Variants in DNAH1 observed in about 807,000 individuals in gnomAD.
DNAH1 encodes the protein axonemal beta dynein heavy chain 1.
In DNAH1, 327 loss-of-function variants were observed where a neutral mutation model predicts 484.3. The observed-to-expected ratio is 0.68, with a 90% CI of 0.62 to 0.74. DNAH1 has a LOEUF of 0.74. DNAH1 is among the 30% of genes least tolerant of loss of function. DNAH1 has a pLI of 0.00. For missense variants in DNAH1, 5,052 were observed against 5,546.8 expected, an observed-to-expected ratio of 0.91 and a Z score of 2.83; for synonymous variants, 2,192 against 2,191.9, an observed-to-expected ratio of 1.00 and a Z score of 0.00.
rs529921322 is a variant in DNAH1, at chr3:52,337,952, G to A, written c.1286+5558G>A. Among the ~76,000 whole-genome samples the A allele has an allele frequency of 1.1e-3, 165 of 152,056 alleles. 1 individual carries two copies. The highest frequency in any genetic ancestry group is 2.1e-3 in the Admixed American group (32 of 15,244). On this transcript the variant is annotated intron_variant, in intron 8 of 77. Coordinates refer to ENST00000420323, the MANE Select transcript of DNAH1 (RefSeq NM_015512.5). ...TGGGACCACAGGTGTGAGCTACCAC[G>A]CTTGGTTAATTTTTGTATTTTTTTA...
chr3:52,348,955 T>G lies in DNAH1; in HGVS notation c.2174T>G (p.Leu725Arg). ...GAGTCCGTGGGCCTTCATGAGCCACTGGTGGAAGAGCTACGGGCCACCATT... is the reference window on the plus strand; with the variant it reads ...GAGTCCGTGGGCCTTCATGAGCCACGGGTGGAAGAGCTACGGGCCACCATT... ...LLESVGLHEP[L>R]VEELRATIAS... The change falls in exon 13 of 78, where the codon CTG becomes CGG. Residue 725 changes from leucine (L) to arginine (R), a missense_variant. By Grantham distance (102) the Leu-to-Arg change is moderately radical (BLOSUM62 -2). This residue lies in a region of DNAH1 where 1,263 missense variants were observed against 1,218.8 expected (regional missense o/e 1.04). Coordinates refer to ENST00000420323, the MANE Select transcript of DNAH1 (RefSeq NM_015512.5). The G allele has an allele frequency of 6.2e-7, 1 of 1,613,504 alleles. No individual in the cohort carries two copies. Among genetic ancestry groups the G allele is most frequent in the Non-Finnish European group, 8.5e-7 (1 of 1,179,880 alleles).
At chr3:52,348,229 G>A (rs941974764) in intron 12 of DNAH1, among the ~76,000 whole-genome samples, 2 of 152,224 alleles carry the variant, frequency 1.3e-5, no homozygotes, top group Non-Finnish European at 2.9e-5. Flanking sequence ...GCTAATGTCA[G>A]ATTTTGTAGG....
In DNAH1 at chr3:52,381,093, T is replaced by C. The variant is rs553817385; in HGVS notation, c.7609-547T>C. Among the ~76,000 whole-genome samples the C allele has an allele frequency of 6.6e-6, 1 of 152,102 alleles. No individual in the cohort carries two copies. The highest frequency in any genetic ancestry group is 1.9e-4 in the East Asian group (1 of 5,178). The stretch of plus-strand genomic sequence containing the variant: ...CCCCCCGTGGGTTTTATTTTTGCTT[T>C]TGTTTTTGTTTGTGTGTGTGTGTAT... On this transcript the variant is annotated intron_variant, in intron 48 of 77. Coordinates refer to ENST00000420323, the MANE Select transcript of DNAH1 (RefSeq NM_015512.5). The surrounding 1 kb of genome is among the most constrained non-coding windows in gnomAD (Gnocchi z 4.1).
Position 52,362,876 on chromosome 3 carries a change from C to T in DNAH1, c.5095-119C>T. The T allele has an allele frequency of 7.1e-7, 1 of 1,400,180 alleles. No individual in the cohort carries two copies. The allele number at this position is 1,400,180 out of a possible 1,614,324, so 86.7% of individuals were successfully genotyped here. On this transcript the variant is annotated intron_variant, in intron 31 of 77. Coordinates refer to ENST00000420323, the MANE Select transcript of DNAH1 (RefSeq NM_015512.5). The surrounding 1 kb of genome is among the most constrained non-coding windows in gnomAD (Gnocchi z 5.1). ...AGTCTCAGGGGAGTGAAAGCCTCAG[C>T]TGTGGCAGGCTTGGTGCAGCAGGGA...
At chr3:52,319,948 A>G (rs1701084637) in intron 1 of DNAH1, among the ~76,000 whole-genome samples, 1 of 152,204 alleles carries the variant, frequency 6.6e-6, no homozygotes, top group African/African-American at 2.4e-5. Context: ...TTCACCCATT[A>G]TGGATTCCTT....
At chr3:52,386,047 A>C in intron 54 of DNAH1, 113 bp from the exon 55 acceptor site, 2 of 1,247,728 alleles carry the variant, frequency 1.6e-6, no homozygotes, top group Non-Finnish European at 2.2e-6. Flanking sequence ...CTGGCCTGTC[A>C]CAGCTGGAGG....
At position 52,394,993 on chromosome 3, in the gene DNAH1, C is replaced by G; in HGVS notation, c.10902C>G (p.Asp3634Glu). ...KLLVLRCLRG[D>E]KVTNAMQDFV... ...TAGTCCTCCGCTGCCTGCGTGGGGA[C>G]AAGGTTACCAACGCCATGCAGGACT... is the stretch of plus-strand genomic sequence containing the variant. Residue 3634 changes from aspartate to glutamate, a missense_variant, in exon 68 of 78, where the codon GAC becomes GAG. Asp to Glu is a conservative substitution (Grantham distance 45). Around this residue, in one of 4 missense-constraint regions of DNAH1, gnomAD observed 853 missense variants for 899.0 expected, o/e 0.95. Coordinates refer to ENST00000420323, the MANE Select transcript of DNAH1 (RefSeq NM_015512.5). The G allele has an allele frequency of 6.2e-7, 1 of 1,612,542 alleles. No individual in the cohort carries two copies. Among genetic ancestry groups the G allele is most frequent in the East Asian group, 2.2e-5 (1 of 44,864 alleles).
chr3:52,397,202 T>C (rs1234661552), intron 73 of DNAH1, among the ~76,000 whole-genome samples, 158 bp downstream of exon 73: 1 of 151,974 alleles, frequency 6.6e-6, no homozygotes, highest in Non-Finnish European at 1.5e-5. Context: ...AAGACAGCCT[T>C]GGCGAGGGAG....
rs1429520306 is a variant in DNAH1, at chr3:52,354,913, C to T, written c.3551C>T (p.Thr1184Ile). The T allele has an allele frequency of 3.7e-6, 6 of 1,613,940 alleles. No homozygotes were observed. Among genetic ancestry groups the T allele is most frequent in the Non-Finnish European group, 5.1e-6 (6 of 1,179,916 alleles). Residue 1184 changes from threonine (T) to isoleucine (I), a missense_variant, in exon 21 of 78, where the codon ACC (threonine) becomes ATC (isoleucine). Physicochemically the swap from Thr to Ile is moderately conservative, Grantham distance 89. Transcript: ENST00000420323. ...FNVLPYKATD[T>I]YILKSPDEAS... ...GTACTGCCCTACAAGGCGACAGACA[C>T]CTACATCCTGAAGAGCCCGGACGAG... is the stretch of plus-strand genomic sequence containing the variant.
In DNAH1 at chr3:52,378,726, G is replaced by A. The variant is rs1703713482; in HGVS notation, c.7323G>A (p.Arg2441=). 1 of 1,613,732 alleles carries A rather than the reference G, an allele frequency of 6.2e-7. No homozygotes were observed. Among genetic ancestry groups the A allele is most frequent in the South Asian group, 1.1e-5 (1 of 91,072 alleles). The change falls in exon 47 of 78, where the codon AGG becomes AGA. Residue 2441 remains arginine, a synonymous_variant. Coordinates refer to ENST00000420323, the MANE Select transcript of DNAH1 (RefSeq NM_015512.5). The part of the protein sequence containing the change: ...PAKSHYTFNL[R]DLSKVFQGML... ...AGTCCCACTACACCTTCAACCTGAG[G>A]GACCTCTCCAAGGTCTTCCAAGGCA...
intron 8 of DNAH1, among the ~76,000 whole-genome samples, chr3:52,342,082 G>T: frequency 6.6e-6 from 1 of 152,372 alleles, no homozygotes; most frequent in Admixed American, 6.5e-5. Flanking sequence ...TTCTCACAGT[G>T]GTGATAACAT....
At chr3:52,349,546 A>G (rs1347482950) in intron 14 of DNAH1, 126 bp downstream of exon 14, 1 of 903,018 alleles carries the variant, frequency 1.1e-6, no homozygotes, top group Non-Finnish European at 1.7e-6. Context: ...TGCCCAGGCC[A>G]AGGGAAGGAG....
chr3:52,392,535 AGCT>A lies in DNAH1; in HGVS notation c.10126_10128del (p.Leu3376del). 1.2e-6 allele frequency: 2 copies of A among 1,613,976 alleles called. No homozygotes were observed. The highest frequency in any genetic ancestry group is 1.7e-6 in the Non-Finnish European group (2 of 1,179,876). On this transcript the variant is annotated inframe_deletion, in exon 64 of 78. Coordinates refer to ENST00000420323, the MANE Select transcript of DNAH1 (RefSeq NM_015512.5). ...CCCGACCTGGAGGAGGCCAAGAACC[AGCT>A]GATTATCAGTAATGCCAAGATGCGC...
At chr3:52,383,705 G>A (rs1449349640) in intron 51 of DNAH1, 111 bp downstream of exon 51, 26 of 1,406,484 alleles carry the variant, frequency 1.8e-5, no homozygotes, top group Admixed American at 5.2e-5. Context: ...GAGGAGACGC[G>A]GCCCTGGGCC....
In DNAH1 at chr3:52,358,649, A is replaced by T. The variant is rs1312677374; in HGVS notation, c.4178A>T (p.Asn1393Ile). The T allele has an allele frequency of 6.2e-7, 1 of 1,613,264 alleles. No homozygotes were observed. The highest frequency in any genetic ancestry group is 8.5e-7 in the Non-Finnish European group (1 of 1,179,734). ...QLCFSIYPSS[N>I]VEDWLREVER... ...TGCTTCTCCATCTACCCCTCCAGCA[A>T]CGTGGAGGACTGGCTGCGGGAGGTG... The change falls in exon 25 of 78, where the codon AAC becomes ATC. Residue 1393 changes from asparagine (N) to isoleucine (I), a missense_variant. Physicochemically the swap from Asn to Ile is moderately radical, Grantham distance 149. Around this residue, in one of 4 missense-constraint regions of DNAH1, gnomAD observed 2,929 missense variants for 3,409.4 expected, o/e 0.86. Coordinates refer to ENST00000420323, the MANE Select transcript of DNAH1 (RefSeq NM_015512.5). The surrounding 1 kb of genome is among the most constrained non-coding windows in gnomAD (Gnocchi z 4.2).
At position 52,399,731 on chromosome 3, in the gene DNAH1, G is replaced by A. The variant is rs368939711; in HGVS notation, c.12628G>A (p.Asp4210Asn). 5.0e-6 allele frequency: 8 copies of A among 1,613,996 alleles called. No individual in the cohort carries two copies. The Admixed American group carries it at 1.2e-4, about 24-fold the overall frequency. The change falls in exon 77 of 78, where the codon GAC becomes AAC. Residue 4210 changes from aspartate (D) to asparagine (N), a missense_variant. By Grantham distance (23) the Asp-to-Asn change is conservative (BLOSUM62 1). Around this residue, in one of 4 missense-constraint regions of DNAH1, gnomAD observed 853 missense variants for 899.0 expected, o/e 0.95. Transcript: ENST00000420323. ...GCCAACACCCAACCGCAAGGCCCAG[G>A]ACCAGGACTTTTACCTGTGCCCCAT... ...LLPTPNRKAQ[D>N]QDFYLCPIYK...
rs1193993124 is a variant in DNAH1 at position 52,368,571 on chromosome 3, C to T, written c.5766-170C>T. Among the ~76,000 whole-genome samples the T allele has an allele frequency of 5.9e-5, 9 of 152,186 alleles. No individual in the cohort carries two copies. The highest frequency in any genetic ancestry group is 4.4e-5 in the Non-Finnish European group (3 of 68,036). Reference sequence around the variant, plus strand: ...GACATAAGCACATGTTTTCATTACACCATGTGACACCAAAAAAATCCCACT... The same window carrying T: ...GACATAAGCACATGTTTTCATTACATCATGTGACACCAAAAAAATCCCACT... On this transcript the variant is annotated intron_variant, in intron 36 of 77. Transcript: ENST00000420323. The surrounding 1 kb of genome is among the most constrained non-coding windows in gnomAD (Gnocchi z 4.4).
chr3:52,394,784 T>C, intron 67 of DNAH1, 123 bp downstream of exon 67: 1 of 1,480,390 alleles, frequency 6.8e-7, no homozygotes, highest in East Asian at 2.4e-5. Flanking sequence ...TGGCCACATC[T>C]CCTCTGTGCC....
rs903964617 is a variant in DNAH1 at position 52,355,741 on chromosome 3, C to G, written c.3693+686C>G. On this transcript the variant is annotated intron_variant, in intron 21 of 77. Coordinates refer to ENST00000420323, the MANE Select transcript of DNAH1 (RefSeq NM_015512.5). The surrounding 1 kb of genome is among the most constrained non-coding windows in gnomAD (Gnocchi z 4.5). ...CTGGTCAGCACTATCCCCAGTCCCC[C>G]TCTGCTCACGCTGTCCACTCGACCT... is the stretch of plus-strand genomic sequence containing the variant. Among the ~76,000 whole-genome samples the G allele has an allele frequency of 1.1e-4, 16 of 152,276 alleles. No homozygotes were observed. Among genetic ancestry groups the G allele is most frequent in the African/African-American group, 1.7e-4 (7 of 41,480 alleles).
Sources: allele counts gnomAD v4.1 joint callset (sites outside exome capture counted in the v4.1 genomes callset), GRCh38; gene constraint gnomAD v4.1.1; regional missense constraint gnomAD v4.1.1; non-coding constraint Gnocchi (gnomAD v3.1); transcripts MANE v1.5; gene names NCBI Gene and HGNC (gene_info 2026-07-23, HGNC 2026-07-21).